THSD7A: variants seen among roughly 807,000 people sequenced by gnomAD.
The protein encoded by THSD7A is thrombospondin type 1 domain containing 7A.
In THSD7A, 96 loss-of-function variants were observed where a neutral mutation model predicts 231.3. That is an observed-to-expected ratio of 0.41 (90% CI 0.35 to 0.49). The LOEUF (loss-of-function observed/expected upper bound fraction) is 0.49, where lower values mean the gene tolerates loss of function less well. Ranked by LOEUF, THSD7A falls within the 20% of genes least tolerant of loss-of-function variation. The pLI is 0.05. For synonymous variants in THSD7A, 940 were observed against 743.3 expected (o/e 1.26, Z -4.30); for missense variants, 2,290 against 2,070.2 (o/e 1.11, Z -2.06).
intron 4 of THSD7A, among the ~76,000 whole-genome samples, chr7:11,567,653 T>C (rs1790418430): frequency 6.6e-6 from 1 of 152,312 alleles, no homozygotes; most frequent in Middle Eastern, 3.4e-3. Context: ...TTAGGGTAAC[T>C]GTTTTCAGGT....
chr7:11,697,235 C>T (rs1335936750), intron 1 of THSD7A, among the ~76,000 whole-genome samples: 1 of 151,380 alleles, frequency 6.6e-6, no homozygotes, highest in Non-Finnish European at 1.5e-5. Context: ...CTAAAATCCT[C>T]CAAAACCTCA....
At chr7:11,642,633 A>G (rs1363967677) in intron 1 of THSD7A, among the ~76,000 whole-genome samples, 1 of 152,164 alleles carries the variant, frequency 6.6e-6, no homozygotes. Context: ...TGTGTAATTG[A>G]TAGACTCACA....
chr7:11,828,912 T>TTATC (rs1489095701), intron 1 of THSD7A, among the ~76,000 whole-genome samples: 1 of 152,112 alleles, frequency 6.6e-6, no homozygotes, highest in Non-Finnish European at 1.5e-5. Flanking sequence ...AACCAACCCC[T>TTATC]TATCTATCTT....
chr7:11,743,551 T>C (rs772558380), intron 1 of THSD7A, among the ~76,000 whole-genome samples: 1 of 151,932 alleles, frequency 6.6e-6, no homozygotes, highest in Non-Finnish European at 1.5e-5. Flanking sequence ...TACTTCATTT[T>C]AATATATCCT....
intron 4 of THSD7A, among the ~76,000 whole-genome samples, chr7:11,576,783 T>A (rs1399821271): frequency 4.6e-5 from 7 of 152,206 alleles, no homozygotes; most frequent in African/African-American, 1.7e-4. Context: ...AGGGCTTACA[T>A]TATACTTTTC....
At chr7:11,481,054 AGACAAGATTAAGTAT>A (rs1396665353) in intron 7 of THSD7A, among the ~76,000 whole-genome samples, 1 of 152,176 alleles carries the variant, frequency 6.6e-6, no homozygotes, top group Non-Finnish European at 1.5e-5. Flanking sequence ...TTTTTCAGAA[AGACAAGATTAAGTAT>A]GACATTATAT....
At chr7:11,639,622 G>C (rs2526111) in intron 1 of THSD7A, among the ~76,000 whole-genome samples, 118,979 of 151,870 alleles carry the variant, frequency 0.78, 47,081 homozygotes, top group African/African-American at 0.9. Context: ...GAGCCGAGAT[G>C]GCACCACTGC....
chr7:11,628,238 C>A (rs1781536117), intron 2 of THSD7A, among the ~76,000 whole-genome samples: 1 of 152,170 alleles, frequency 6.6e-6, no homozygotes, highest in African/African-American at 2.4e-5. Context: ...CCTCCAAGAT[C>A]TTTATAGGTT....
chr7:11,533,804 G>A (rs1355971630), intron 6 of THSD7A, among the ~76,000 whole-genome samples: 1 of 152,116 alleles, frequency 6.6e-6, no homozygotes, highest in Non-Finnish European at 1.5e-5. Flanking sequence ...TAGGTGACAG[G>A]TTGACAAGTG....
chr7:11,605,079 T>C (rs1780689736), intron 2 of THSD7A, among the ~76,000 whole-genome samples: 1 of 152,034 alleles, frequency 6.6e-6, no homozygotes, highest in Non-Finnish European at 1.5e-5. Context: ...TTCACTGTAG[T>C]GGCATAACCT....
chr7:11,415,242 C>T (rs1386245774), intron 17 of THSD7A, among the ~76,000 whole-genome samples: 2 of 152,194 alleles, frequency 1.3e-5, no homozygotes, highest in Non-Finnish European at 2.9e-5. Context: ...GCTTGGAGGC[C>T]GTCTTGCAAC....
In THSD7A at chr7:11,827,543, C is replaced by A. The variant is rs916253377; in HGVS notation, c.190+4214G>T. ...TTGCCTTGTACCTTTTCTGGCCATA[C>A]TTTCTTAGACTGTTTCTCTAGGTCT... On this transcript the variant is annotated intron_variant, in intron 1 of 27. Coordinates refer to ENST00000423059, the MANE Select transcript of THSD7A (RefSeq NM_015204.3). 5.9e-5 allele frequency among the ~76,000 whole-genome samples: 9 copies of A among 152,154 alleles called. No individual in the cohort carries two copies. The South Asian group carries it at 6.2e-4, about 11-fold the overall frequency.
chr7:11,831,229 G>A lies in THSD7A; in HGVS notation c.190+528C>T, dbSNP rs1785182668. Among the ~76,000 whole-genome samples the A allele has an allele frequency of 6.6e-6, 1 of 152,192 alleles. No individual in the cohort carries two copies. The highest frequency in any genetic ancestry group is 2.1e-4 in the South Asian group (1 of 4,838). On this transcript the variant is annotated intron_variant, in intron 1 of 27. Coordinates refer to ENST00000423059, the MANE Select transcript of THSD7A (RefSeq NM_015204.3). The surrounding 1 kb of genome is among the most constrained non-coding windows in gnomAD (Gnocchi z 5.0). ...TCGCTAGTTAATAATTGAGTTTTCAGTCTTTCCCTGAAGGCTCACTGGAGC... is the reference window on the plus strand; with the variant it reads ...TCGCTAGTTAATAATTGAGTTTTCAATCTTTCCCTGAAGGCTCACTGGAGC...
chr7:11,718,284 T>C (rs540630627), intron 1 of THSD7A, among the ~76,000 whole-genome samples: 1 of 151,752 alleles, frequency 6.6e-6, no homozygotes, highest in South Asian at 2.1e-4. Context: ...CAAATTTGAG[T>C]ACATTTAAAT....
chr7:11,712,323 T>C (rs1043915140), intron 1 of THSD7A, among the ~76,000 whole-genome samples: 5 of 151,054 alleles, frequency 3.3e-5, no homozygotes, highest in East Asian at 2.0e-4. Flanking sequence ...TTATTCACCA[T>C]TGGTTTGAGT....
intron 1 of THSD7A, among the ~76,000 whole-genome samples, chr7:11,713,117 A>G (rs1266627868): frequency 6.6e-6 from 1 of 151,178 alleles, no homozygotes; most frequent in East Asian, 2.0e-4. Context: ...CTATAGTTCC[A>G]AAGCCATGGC....
chr7:11,517,015 G>C (rs893972674), intron 6 of THSD7A, among the ~76,000 whole-genome samples: 10 of 149,854 alleles, frequency 6.7e-5, no homozygotes, highest in African/African-American at 2.3e-4. Context: ...AATACGCATT[G>C]CCATCTGTCA....
chr7:11,551,545 T>C (rs1453342050), intron 4 of THSD7A, among the ~76,000 whole-genome samples: 2 of 151,864 alleles, frequency 1.3e-5, no homozygotes, highest in African/African-American at 2.4e-5. Flanking sequence ...AATACATGAA[T>C]AGACATTTTT....
intron 4 of THSD7A, among the ~76,000 whole-genome samples, chr7:11,573,307 C>A (rs75493388): frequency 2.0e-5 from 3 of 152,250 alleles, no homozygotes; most frequent in African/African-American, 7.2e-5. Flanking sequence ...TGTATCCACA[C>A]TGAGACTCTT....
Sources: gnomAD v4.1 joint callset for allele counts (sites outside exome capture counted in the v4.1 genomes callset) on GRCh38, gnomAD v4.1.1 for gene constraint, Gnocchi (gnomAD v3.1) non-coding constraint, MANE v1.5 for transcripts, NCBI Gene and HGNC (gene_info 2026-07-23, HGNC 2026-07-21) for gene names.